ARHGAP15: variants seen among roughly 807,000 people sequenced by gnomAD.
ARHGAP15 encodes Rho GTPase activating protein 15, also known as rho GTPase-activating protein 15.
In ARHGAP15, 51 loss-of-function variants were observed where a neutral mutation model predicts 63.7. The ratio of observed to expected loss-of-function variants is 0.80; its 90% confidence interval spans 0.64 to 1.01. ARHGAP15 has a LOEUF of 1.01. Ranked by LOEUF, ARHGAP15 falls within the 50% of genes least tolerant of loss-of-function variation. ARHGAP15 has a pLI of 0.00. For missense variants in ARHGAP15, 560 were observed against 564.6 expected (o/e 0.99, Z 0.08); for synonymous variants, 191 against 193.8 (o/e 0.99, Z 0.12).
intron 6 of ARHGAP15, among the ~76,000 whole-genome samples, chr2:143,431,541 C>A (rs1014274905): frequency 6.6e-6 from 1 of 151,990 alleles, no homozygotes; most frequent in East Asian, 1.9e-4. Context: ...CGTATCATGA[C>A]CACCAGTTTA....
At chr2:143,596,754 C>T (rs67443657) in intron 11 of ARHGAP15, among the ~76,000 whole-genome samples, 29,453 of 151,866 alleles carry the variant, frequency 0.19, 3,212 homozygotes, top group Middle Eastern at 0.28. Context: ...ATTCATGTTG[C>T]GCTAATTAAT....
rs1489945486 is a variant in ARHGAP15, at chr2:143,755,934, C to A, written c.1245-12055C>A. On this transcript the variant is annotated intron_variant, in intron 13 of 13. Coordinates refer to ENST00000295095, the MANE Select transcript of ARHGAP15 (RefSeq NM_018460.4). ...CGAGCTGAGATCTTGCCACTGCACT[C>A]CAGCCTGGGTAACAGAGTGAGACTC... Among the ~76,000 whole-genome samples, 4 of 151,986 alleles carry A rather than the reference C, an allele frequency of 2.6e-5. No individual in the cohort carries two copies. In the South Asian group the frequency reaches 8.3e-4, roughly 32 times the overall value.
At chr2:143,402,185 T>C (rs1241463879) in intron 6 of ARHGAP15, among the ~76,000 whole-genome samples, 1 of 151,888 alleles carries the variant, frequency 6.6e-6, no homozygotes, top group African/African-American at 2.4e-5. Context: ...CACCTCAGTG[T>C]TTTTTTAATC....
At chr2:143,414,816 C>T (rs945017636) in intron 6 of ARHGAP15, among the ~76,000 whole-genome samples, 2 of 152,112 alleles carry the variant, frequency 1.3e-5, no homozygotes, top group African/African-American at 4.8e-5. Context: ...GCCTATAATC[C>T]CATTACTTGA....
chr2:143,450,722 A>T (rs1411479781), intron 8 of ARHGAP15, among the ~76,000 whole-genome samples: 1 of 151,978 alleles, frequency 6.6e-6, no homozygotes, highest in Admixed American at 6.6e-5. Flanking sequence ...TAGGAAAAAA[A>T]GAAGAAGAAA....
intron 11 of ARHGAP15, among the ~76,000 whole-genome samples, chr2:143,571,160 G>T (rs907972748): frequency 2.0e-5 from 3 of 152,158 alleles, no homozygotes; most frequent in Admixed American, 6.5e-5. Flanking sequence ...CCCCAAATGG[G>T]ACTGTTTATT....
intron 11 of ARHGAP15, among the ~76,000 whole-genome samples, chr2:143,594,756 A>G (rs1697447483): frequency 6.6e-6 from 1 of 152,166 alleles, no homozygotes; most frequent in Non-Finnish European, 1.5e-5. Context: ...TACCTCTCAA[A>G]GAAAATCTGA....
chr2:143,608,795 T>C (rs1333185513), intron 11 of ARHGAP15: 1 of 152,224 alleles, frequency 6.6e-6, no homozygotes, highest in East Asian at 1.9e-4. Context: ...AAAGTGATAA[T>C]CCTGATGCAG....
rs1286431753 is a variant in ARHGAP15, at chr2:143,155,667, A to G, written c.165+12A>G. 1 of 1,536,604 alleles carries G rather than the reference A, an allele frequency of 6.5e-7. No homozygotes were observed. Among genetic ancestry groups the G allele is most frequent in the African/African-American group, 1.4e-5 (1 of 70,638 alleles). ...AGGTCACTGAACCTGTAAGTCAAATACCCCAAATATCCCAAGTTCCTTGTC... is the reference window on the plus strand; with the variant it reads ...AGGTCACTGAACCTGTAAGTCAAATGCCCCAAATATCCCAAGTTCCTTGTC... On this transcript the variant is annotated intron_variant, in intron 2 of 13. Transcript: ENST00000295095.
At chr2:143,169,090 G>T (rs1432013960) in intron 2 of ARHGAP15, among the ~76,000 whole-genome samples, 1 of 152,042 alleles carries the variant, frequency 6.6e-6, no homozygotes, top group Admixed American at 6.6e-5. Flanking sequence ...TCCACCTAAA[G>T]ATGTATTTTA....
rs557531175 is a variant in ARHGAP15 at position 143,662,571 on chromosome 2, C to A, written c.1138+38304C>A. 4.6e-5 allele frequency among the ~76,000 whole-genome samples: 6 copies of A among 129,778 alleles called. No homozygotes were observed. In the East Asian group the frequency reaches 8.7e-4, roughly 19 times the overall value. 85.1% of individuals were successfully genotyped at this position (129,778 alleles called of 152,430 possible). Reference sequence around the variant, plus strand: ...CGGAACAAAGCTGGATGGAGAATGACTTTGACGAGCCGAGAGAAGAAGGCT... The same window carrying A: ...CGGAACAAAGCTGGATGGAGAATGAATTTGACGAGCCGAGAGAAGAAGGCT... On this transcript the variant is annotated intron_variant, in intron 12 of 13. Coordinates refer to ENST00000295095, the MANE Select transcript of ARHGAP15 (RefSeq NM_018460.4).
At chr2:143,282,133 A>G (rs574804545) in intron 6 of ARHGAP15, among the ~76,000 whole-genome samples, 160 of 152,170 alleles carry the variant, frequency 1.1e-3, no homozygotes, top group East Asian at 1.9e-4. Context: ...CATATTGTTT[A>G]TGATATATGT....
rs74442336 is a variant in ARHGAP15, at chr2:143,758,527, G to T, written c.1245-9462G>T. On this transcript the variant is annotated intron_variant, in intron 13 of 13. Coordinates refer to ENST00000295095, the MANE Select transcript of ARHGAP15 (RefSeq NM_018460.4). Reference sequence around the variant, plus strand: ...ACATAAAAGTATACACTCTAAATAGGAAAGAGGGCAGGAGATATTCACAGG... The same window carrying T: ...ACATAAAAGTATACACTCTAAATAGTAAAGAGGGCAGGAGATATTCACAGG... Among the ~76,000 whole-genome samples, 672 of 152,130 alleles carry T rather than the reference G, an allele frequency of 4.4e-3. 4 individuals carry two copies. Among genetic ancestry groups the T allele is most frequent in the African/African-American group, 0.015 (640 of 41,514 alleles).
intron 8 of ARHGAP15, among the ~76,000 whole-genome samples, chr2:143,462,187 G>T (rs372029409): frequency 6.6e-6 from 1 of 151,982 alleles, no homozygotes; most frequent in Non-Finnish European, 1.5e-5. Context: ...TTATTACCAG[G>T]TGCACATGAT....
chr2:143,226,286 A>G (rs1693209977), intron 4 of ARHGAP15, among the ~76,000 whole-genome samples: 2 of 152,262 alleles, frequency 1.3e-5, no homozygotes. Context: ...ATAAATGATC[A>G]ACATCTGAAA....
At chr2:143,483,935 A>G (rs758373550) in intron 8 of ARHGAP15, among the ~76,000 whole-genome samples, 6 of 152,116 alleles carry the variant, frequency 3.9e-5, no homozygotes, top group Non-Finnish European at 8.8e-5. Flanking sequence ...TTATAATTAC[A>G]CAGGCCAGAC....
At chr2:143,724,727 C>T (rs144556308) in intron 13 of ARHGAP15, among the ~76,000 whole-genome samples, 2,098 of 151,928 alleles carry the variant, frequency 0.014, 127 homozygotes, top group Admixed American at 0.12. Context: ...GTTCAGAGCC[C>T]CTGAAAAAAG....
intron 6 of ARHGAP15, among the ~76,000 whole-genome samples, chr2:143,274,788 A>G (rs1007049647): frequency 4.6e-5 from 7 of 152,170 alleles, no homozygotes; most frequent in African/African-American, 1.7e-4. Context: ...ACCTTGCCCA[A>G]CAGTCTTTGA....
chr2:143,535,236 C>T (rs1694700452), intron 10 of ARHGAP15, among the ~76,000 whole-genome samples: 1 of 152,276 alleles, frequency 6.6e-6, no homozygotes, highest in Admixed American at 6.5e-5. Flanking sequence ...TTGAAGCCAA[C>T]ATGTTGTACC....
Sources: allele counts gnomAD v4.1 joint callset (sites outside exome capture counted in the v4.1 genomes callset), GRCh38; gene constraint gnomAD v4.1.1; transcripts MANE v1.5; gene names NCBI Gene and HGNC (gene_info 2026-07-23, HGNC 2026-07-21).